THSD7B: variants seen among roughly 807,000 people sequenced by gnomAD.
THSD7B encodes thrombospondin type 1 domain containing 7B, also known as thrombospondin type-1 domain-containing protein 7B.
Under a neutral mutation model 213.6 loss-of-function variants are expected in THSD7B, and 138 were observed. The observed-to-expected ratio is 0.65, with a 90% CI of 0.56 to 0.74. THSD7B has a LOEUF of 0.74. Ranked by LOEUF, THSD7B falls within the 30% of genes least tolerant of loss-of-function variation. The pLI, the probability that THSD7B is intolerant of heterozygous loss-of-function variation, is 0.00. For synonymous variants in THSD7B, 742 were observed against 687.0 expected (o/e 1.08, Z -1.25); for missense variants, 1,931 against 1,991.5 (o/e 0.97, Z 0.58).
At chr2:137,303,526 G>T (rs986897006) in intron 12 of THSD7B, among the ~76,000 whole-genome samples, 1 of 150,466 alleles carries the variant, frequency 6.6e-6, no homozygotes, top group East Asian at 1.9e-4. Context: ...TTAATCTCAG[G>T]TTCATAGAAA....
chr2:137,657,796 C>A (rs968555462), intron 24 of THSD7B, among the ~76,000 whole-genome samples: 7 of 152,184 alleles, frequency 4.6e-5, no homozygotes, highest in Admixed American at 1.3e-4. Flanking sequence ...CTCACTGCAA[C>A]CTCTGCCTCC....
At chr2:137,525,189 C>G (rs138534519) in intron 15 of THSD7B, among the ~76,000 whole-genome samples, 64 of 152,276 alleles carry the variant, frequency 4.2e-4, no homozygotes, top group South Asian at 1.7e-3. Context: ...ACAGTATACT[C>G]AAAACAGATG....
At chr2:136,835,904 A>C (rs897255467) in intron 1 of THSD7B, among the ~76,000 whole-genome samples, 4 of 152,140 alleles carry the variant, frequency 2.6e-5, no homozygotes, top group African/African-American at 9.7e-5. Flanking sequence ...AATGACTGAG[A>C]ATTAATGTCT....
chr2:137,123,378 C>T (rs1212733515), intron 5 of THSD7B, among the ~76,000 whole-genome samples: 1 of 152,156 alleles, frequency 6.6e-6, no homozygotes, highest in African/African-American at 2.4e-5. Context: ...AGATTTTTAT[C>T]ATGTACAATT....
intron 12 of THSD7B, among the ~76,000 whole-genome samples, chr2:137,295,042 A>G (rs1558746506): frequency 6.6e-6 from 1 of 151,920 alleles, no homozygotes; most frequent in African/African-American, 2.4e-5. Flanking sequence ...TTCATGTTTC[A>G]TTTTTTTCTC....
intron 12 of THSD7B, among the ~76,000 whole-genome samples, chr2:137,361,826 A>G (rs1476312851): frequency 1.3e-5 from 2 of 152,200 alleles, no homozygotes; most frequent in Non-Finnish European, 2.9e-5. Context: ...ATTATCCAGG[A>G]GAACTTCCCC....
rs111339949 is a variant in THSD7B, at chr2:137,410,865, C to T, written c.2696-744C>T. On this transcript the variant is annotated intron_variant, in intron 13 of 27. Coordinates refer to ENST00000409968, the MANE Select transcript of THSD7B (RefSeq NM_001316349.2). The stretch of plus-strand genomic sequence containing the variant: ...TAGTAATCCAGAGGAATTGTGTTAA[C>T]AGCAAAGTTGAATCAAGTTACAGGC... Among the ~76,000 whole-genome samples the T allele has an allele frequency of 9.4e-4, 143 of 152,282 alleles. 1 individual carries two copies. Among genetic ancestry groups the T allele is most frequent in the African/African-American group, 3.2e-3 (135 of 41,568 alleles).
At chr2:136,813,777 C>G (rs1421163354) in intron 1 of THSD7B, among the ~76,000 whole-genome samples, 1 of 152,054 alleles carries the variant, frequency 6.6e-6, no homozygotes, top group East Asian at 1.9e-4. Flanking sequence ...TGGAGATGAT[C>G]AAGTTATTTC....
intron 12 of THSD7B, among the ~76,000 whole-genome samples, chr2:137,391,649 T>C (rs1469566033): frequency 2.0e-5 from 3 of 151,556 alleles, no homozygotes; most frequent in African/African-American, 7.3e-5. Context: ...ATCATGCCAC[T>C]GTACTCCAGA....
chr2:137,152,480 G>A (rs937473025), intron 5 of THSD7B, among the ~76,000 whole-genome samples: 1 of 152,072 alleles, frequency 6.6e-6, no homozygotes, highest in African/African-American at 2.4e-5. Context: ...TCACTTATTA[G>A]CCTTGTAATT....
intron 2 of THSD7B, among the ~76,000 whole-genome samples, chr2:137,009,270 G>C (rs935877047): frequency 1.2e-4 from 19 of 152,072 alleles, no homozygotes; most frequent in African/African-American, 4.3e-4. Flanking sequence ...TGCCTGCCTT[G>C]AATCATTGAA....
At chr2:137,605,306 G>A (rs1682152251) in intron 17 of THSD7B, among the ~76,000 whole-genome samples, 1 of 152,074 alleles carries the variant, frequency 6.6e-6, no homozygotes, top group African/African-American at 2.4e-5. Flanking sequence ...CCTTCACACT[G>A]GCACTTTGGG....
At chr2:137,352,119 A>T (rs1221124329) in intron 12 of THSD7B, among the ~76,000 whole-genome samples, 1 of 151,740 alleles carries the variant, frequency 6.6e-6, no homozygotes, top group African/African-American at 2.4e-5. Context: ...GCAACTCTTT[A>T]CCTAAAAATA....
chr2:137,434,855 G>T (rs1372946851), intron 14 of THSD7B, among the ~76,000 whole-genome samples: 1 of 151,958 alleles, frequency 6.6e-6, no homozygotes, highest in Non-Finnish European at 1.5e-5. Context: ...CTCCCTCAAG[G>T]TTGCCTTAAA....
At chr2:137,242,162 C>T (rs1253936364) in intron 9 of THSD7B, among the ~76,000 whole-genome samples, 1 of 152,032 alleles carries the variant, frequency 6.6e-6, no homozygotes, top group African/African-American at 2.4e-5. Flanking sequence ...TTAGTTGATG[C>T]TGATGGTGAG....
intron 2 of THSD7B, among the ~76,000 whole-genome samples, chr2:136,994,204 C>G (rs750847062): frequency 1.3e-5 from 2 of 152,128 alleles, no homozygotes; most frequent in Non-Finnish European, 2.9e-5. Context: ...ATTTAAACTG[C>G]TCAGTTTGTA....
chr2:136,838,659 A>T lies in THSD7B; in HGVS notation c.-35-43485A>T, dbSNP rs1682877209. Among the ~76,000 whole-genome samples the T allele has an allele frequency of 1.3e-5, 2 of 152,106 alleles. 1 individual carries two copies. Among genetic ancestry groups the T allele is most frequent in the South Asian group, 4.1e-4 (2 of 4,822 alleles). On this transcript the variant is annotated intron_variant, in intron 1 of 27. Coordinates refer to ENST00000409968, the MANE Select transcript of THSD7B (RefSeq NM_001316349.2). ...CCTTTCAAAATGAGGTTATTGAGTT[A>T]AGAGGAACCTATGGGGCTGACACAC...
At chr2:137,542,914 A>G (rs895943756) in intron 15 of THSD7B, among the ~76,000 whole-genome samples, 15 of 151,786 alleles carry the variant, frequency 9.9e-5, no homozygotes, top group Non-Finnish European at 2.2e-4. Flanking sequence ...CATTGCTGCT[A>G]TAGCAAATTA....
intron 5 of THSD7B, among the ~76,000 whole-genome samples, chr2:137,159,249 T>C (rs147167779): frequency 2.6e-5 from 4 of 151,986 alleles, no homozygotes; most frequent in African/African-American, 9.6e-5. Flanking sequence ...CTAGGGAACA[T>C]AGGGAGACCT....
Sources: allele counts gnomAD v4.1 joint callset (sites outside exome capture counted in the v4.1 genomes callset), GRCh38; gene constraint gnomAD v4.1.1; transcripts MANE v1.5; gene names NCBI Gene and HGNC (gene_info 2026-07-23, HGNC 2026-07-21).